Variants in DET1 observed in about 807,000 individuals in gnomAD.
DET1 encodes the protein DET1 partner of COP1 E3 ubiquitin ligase, also known as DET1 homolog.
DET1 carries 22 observed loss-of-function variants against 43.7 expected under a neutral mutation model. That is an observed-to-expected ratio of 0.50 (90% confidence interval 0.36 to 0.72). DET1 has a LOEUF of 0.72. DET1 is among the 30% of genes least tolerant of loss of function. The pLI is 0.00. For missense variants in DET1, 713 were observed against 713.3 expected, an observed-to-expected ratio of 1.00 and a Z score of 0.00; for synonymous variants, 315 against 266.2, an observed-to-expected ratio of 1.18 and a Z score of -1.79.
chr15:88,527,443 CAGAA>C (rs1434931537), intron 3 of DET1, among the ~76,000 whole-genome samples, 152 bp downstream of exon 3: 1 of 152,072 alleles, frequency 6.6e-6, no homozygotes, highest in Non-Finnish European at 1.5e-5. Context: ...GGTGCTGAGA[CAGAA>C]AGAAGTTCAG....
intron 3 of DET1, among the ~76,000 whole-genome samples, chr15:88,519,689 C>A (rs933717044): frequency 2.6e-5 from 4 of 152,316 alleles, no homozygotes; most frequent in African/African-American, 9.6e-5. Context: ...ATCTTAAATT[C>A]TCTTGCTTTG....
intron 1 of DET1, among the ~76,000 whole-genome samples, chr15:88,538,400 C>T (rs1469382320): frequency 6.6e-6 from 1 of 151,040 alleles, no homozygotes; most frequent in East Asian, 1.9e-4. Flanking sequence ...AGCCCCTGCA[C>T]CTGGAACTGT....
chr15:88,542,284 C>T (rs769484302), intron 1 of DET1, among the ~76,000 whole-genome samples: 5 of 152,190 alleles, frequency 3.3e-5, no homozygotes, highest in Admixed American at 6.5e-5. Context: ...TCCCTCCACC[C>T]GGCCTAATTG....
intron 3 of DET1, 78 bp from the exon 4 acceptor site, chr15:88,517,051 T>C (rs1466442677): frequency 1.5e-5 from 16 of 1,072,600 alleles, no homozygotes; most frequent in Admixed American, 3.3e-5. Context: ...GACAAATATA[T>C]GTCTAAGAAC....
chr15:88,531,833 G>A lies in DET1; in HGVS notation c.-10-118C>T. ...TCCTGAACCTAGGAGCTCCCAAGAT[G>A]ACAGTGACTGGCATTACTACTTCCC... is the stretch of plus-strand genomic sequence containing the variant. On this transcript the variant is annotated intron_variant, in intron 1 of 4. Transcript: ENST00000268148. This position sits in a 1 kb window ranked among gnomAD's most constrained non-coding sequence, Gnocchi z 6.2. 1.0e-6 allele frequency: 1 copy of A among 965,420 alleles called. No individual in the cohort carries two copies. Among genetic ancestry groups the A allele is most frequent in the Non-Finnish European group, 1.5e-6 (1 of 671,512 alleles). The allele number at this position is 965,420 out of a possible 1,614,324, so 59.8% of individuals were successfully genotyped here.
chr15:88,506,541 T>C (rs11073784), intron 7 of DET1, among the ~76,000 whole-genome samples: 25 of 149,446 alleles, frequency 1.7e-4, no homozygotes, highest in African/African-American at 4.9e-4. Context: ...ATATGCTCAA[T>C]TGCTTTCAAA....
In DET1 at chr15:88,515,538, T is replaced by TAAAAAAAAAAAAAAAA. The variant is rs1491544233; in HGVS notation, c.1463+1243_1463+1244insTTTTTTTTTTTTTTTT. Among the ~76,000 whole-genome samples the TAAAAAAAAAAAAAAAA allele has an allele frequency of 3.8e-3, 182 of 47,478 alleles. 82 individuals carry two copies. Among genetic ancestry groups the TAAAAAAAAAAAAAAAA allele is most frequent in the Non-Finnish European group, 5.1e-3 (150 of 29,192 alleles). 31.1% of individuals were successfully genotyped at this position (47,478 alleles called of 152,430 possible). The stretch of plus-strand genomic sequence containing the variant: ...TGGGCAACAGACAGAGACTCCGTCT[T>TAAAAAAAAAAAAAAAA]ATAAAAAAAAAAAAAAAAAAAAAAA... On this transcript the variant is annotated intron_variant, in intron 4 of 4. Transcript: ENST00000268148.
intron 2 of DET1, among the ~76,000 whole-genome samples, chr15:88,530,327 A>T (rs926962750): frequency 6.6e-6 from 1 of 152,138 alleles, no homozygotes; most frequent in Non-Finnish European, 1.5e-5. Context: ...CCAAACCTTG[A>T]CCTTGTAGCA....
intron 1 of DET1, among the ~76,000 whole-genome samples, chr15:88,538,783 G>T (rs968676697): frequency 6.6e-6 from 1 of 152,168 alleles, no homozygotes; most frequent in Non-Finnish European, 1.5e-5. Context: ...CCACCTTCCG[G>T]AGGAGAGTGG....
intron 2 of DET1, 51 bp downstream of exon 2, chr15:88,530,572 C>A: frequency 1.3e-6 from 2 of 1,529,744 alleles, no homozygotes; most frequent in Non-Finnish European, 1.8e-6. Context: ...AGAAACCTTC[C>A]CATTTTGCCA....
intron 4 of DET1, among the ~76,000 whole-genome samples, chr15:88,515,567 A>AAAAAAAAAAC (rs1567058371): frequency 6.7e-6 from 1 of 149,728 alleles, no homozygotes; most frequent in Admixed American, 6.6e-5. Context: ...AAAAAAAAAA[A>AAAAAAAAAAC]AGACCGAAGG....
At chr15:88,528,198 T>C (rs1243452162) in intron 2 of DET1, among the ~76,000 whole-genome samples, 1 of 152,280 alleles carries the variant, frequency 6.6e-6, no homozygotes, top group Non-Finnish European at 1.5e-5. Context: ...CTTCTTAAAA[T>C]GCCAGATTTA....
At chr15:88,530,536 C>T in intron 2 of DET1, 87 bp downstream of exon 2, 4 of 1,510,228 alleles carry the variant, frequency 2.6e-6, no homozygotes, top group Non-Finnish European at 3.5e-6. Context: ...ATGTCTATTT[C>T]TGAGGGGTGG....
chr15:88,539,448 TAAAAAAA>T (rs34945813), intron 1 of DET1, among the ~76,000 whole-genome samples: 56 of 96,458 alleles, frequency 5.8e-4, no homozygotes, highest in Non-Finnish European at 7.2e-4. Context: ...CTTGTCTGTC[TAAAAAAA>T]AAAAAAAAAA....
rs1167431888 is a variant in DET1 at position 88,516,175 on chromosome 15, A to G, written c.1463+607T>C. On this transcript the variant is annotated intron_variant, in intron 4 of 4. Transcript: ENST00000268148. The surrounding 1 kb of genome is among the most constrained non-coding windows in gnomAD (Gnocchi z 4.4). ...TGAGATAACTCCACTAGTGACAATAATTCCAGCTCCTCCCCCTAATATTAT... is the reference window on the plus strand; with the variant it reads ...TGAGATAACTCCACTAGTGACAATAGTTCCAGCTCCTCCCCCTAATATTAT... Among the ~76,000 whole-genome samples the G allele has an allele frequency of 6.6e-6, 1 of 152,192 alleles. No homozygotes were observed. The highest frequency in any genetic ancestry group is 1.5e-5 in the Non-Finnish European group (1 of 68,034).
rs1330815515 is a variant in DET1 at position 88,512,847 on chromosome 15, G to A, written c.*104C>T. 13 of 1,509,096 alleles carry A rather than the reference G, an allele frequency of 8.6e-6. No homozygotes were observed. In the East Asian group the frequency reaches 2.8e-4, roughly 32 times the overall value. 93.5% of individuals were successfully genotyped at this position (1,509,096 alleles called of 1,614,324 possible). On this transcript the variant is annotated 3_prime_UTR_variant, in exon 5 of 5. Coordinates refer to ENST00000268148, the MANE Select transcript of DET1 (RefSeq NM_001144074.3). Reference sequence around the variant, plus strand: ...TCTCCCATCTGAGGTATAGCAGGCTGGAACTAACAGAGCTAGTAGTCGGGA... The same window carrying A: ...TCTCCCATCTGAGGTATAGCAGGCTAGAACTAACAGAGCTAGTAGTCGGGA...
chr15:88,539,271 TCACCTGC>T (rs2057034002), intron 1 of DET1, among the ~76,000 whole-genome samples: 1 of 151,946 alleles, frequency 6.6e-6, no homozygotes, highest in African/African-American at 2.4e-5. Context: ...GAGTGGGCCC[TCACCTGC>T]AGTTCTGGGG....
intron 7 of DET1, chr15:88,505,211 T>C (rs1030970): frequency 0.7 from 106,576 of 152,068 alleles, 37,668 homozygotes; most frequent in South Asian, 0.84. Context: ...TGAATTGGTG[T>C]CTCTCACTAC....
downstream of DET1, among the ~76,000 whole-genome samples, chr15:88,507,506 C>A (rs574735467): frequency 6.6e-6 from 1 of 152,356 alleles, no homozygotes; most frequent in Admixed American, 6.5e-5. Flanking sequence ...CGACTTCACT[C>A]TAGGGATGTC....
Sources: gnomAD v4.1 joint callset for allele counts (sites outside exome capture counted in the v4.1 genomes callset) on GRCh38, gnomAD v4.1.1 for gene constraint, Gnocchi (gnomAD v3.1) non-coding constraint, MANE v1.5 for transcripts, NCBI Gene and HGNC (gene_info 2026-07-23, HGNC 2026-07-21) for gene names.